COP1: variants seen among roughly 807,000 people sequenced by gnomAD.
COP1 encodes the protein COP1 E3 ubiquitin ligase, also known as E3 ubiquitin-protein ligase COP1.
Under a neutral mutation model 101.3 loss-of-function variants are expected in COP1, and 24 were observed. The ratio of observed to expected loss-of-function variants is 0.24; its 90% CI spans 0.17 to 0.33. The LOEUF is 0.33. COP1 is among the 10% of genes least tolerant of loss of function. The pLI is 1.00. For synonymous variants in COP1, 347 were observed against 341.9 expected (o/e 1.01, Z -0.17); for missense variants, 663 against 906.2 (o/e 0.73, Z 3.45).
chr1:176,169,521 G>T (rs1695713964), intron 3 of COP1, among the ~76,000 whole-genome samples: 1 of 151,344 alleles, frequency 6.6e-6, no homozygotes, highest in Admixed American at 6.6e-5. Context: ...ATGAATTTTG[G>T]TTTCCCAATA....
chr1:176,094,733 A>T (rs1257159882), intron 9 of COP1, among the ~76,000 whole-genome samples: 2 of 152,124 alleles, frequency 1.3e-5, no homozygotes, highest in African/African-American at 4.8e-5. Flanking sequence ...CTATGAAGAT[A>T]AAAGAGCAAA....
Position 176,176,636 on chromosome 1 carries a change from T to C in COP1, c.468-629A>G, listed in dbSNP as rs548403106. 1.4e-4 allele frequency among the ~76,000 whole-genome samples: 21 copies of C among 152,106 alleles called. 1 individual carries two copies. The highest frequency in any genetic ancestry group is 3.6e-4 in the African/African-American group (15 of 41,486). ...GAGTTCAAGACCAGCCTGGGGAACATAGCAAGACTCCATTACTACAGAAAA... is the reference window on the plus strand; with the variant it reads ...GAGTTCAAGACCAGCCTGGGGAACACAGCAAGACTCCATTACTACAGAAAA... On this transcript the variant is annotated intron_variant, in intron 2 of 19. Transcript: ENST00000367669.
chr1:176,055,655 T>A (rs1673348593), intron 11 of COP1, among the ~76,000 whole-genome samples: 1 of 152,190 alleles, frequency 6.6e-6, no homozygotes, highest in African/African-American at 2.4e-5. Flanking sequence ...TTTAACCTGA[T>A]AGGCATAGTT....
Position 175,978,426 on chromosome 1 carries a change from A to G in COP1, c.2133+8517T>C, listed in dbSNP as rs189319453. On this transcript the variant is annotated intron_variant, in intron 18 of 19. Transcript: ENST00000367669. The stretch of plus-strand genomic sequence containing the variant: ...ATGTTTTCCCAGAGGCTGTCCACAC[A>G]GTAGTGGACATTAAGGTTAAAGAAA... Among the ~76,000 whole-genome samples the G allele has an allele frequency of 6.2e-3, 942 of 152,324 alleles. 13 individuals carry two copies. The highest frequency in any genetic ancestry group is 0.021 in the African/African-American group (889 of 41,578).
intron 10 of COP1, among the ~76,000 whole-genome samples, chr1:176,083,168 C>G (rs1317730383): frequency 6.6e-6 from 1 of 152,116 alleles, no homozygotes; most frequent in Non-Finnish European, 1.5e-5. Flanking sequence ...TATATGGAAT[C>G]CTATTACTGT....
intron 11 of COP1, among the ~76,000 whole-genome samples, chr1:176,062,911 G>A (rs1167398778): frequency 2.0e-5 from 3 of 152,158 alleles, no homozygotes; most frequent in African/African-American, 4.8e-5. Flanking sequence ...ATACTGTATG[G>A]TTCCACTTAT....
intron 11 of COP1, among the ~76,000 whole-genome samples, chr1:176,050,563 A>G (rs1334698108): frequency 6.6e-6 from 1 of 152,210 alleles, no homozygotes; most frequent in Non-Finnish European, 1.5e-5. Context: ...GCAGGTAACT[A>G]AAACTTTAAG....
rs1372720172 is a variant in COP1 at position 176,043,835 on chromosome 1, TAA to T, written c.1422-19_1422-18del. On this transcript the variant is annotated intron_variant, in intron 12 of 19. Transcript: ENST00000367669. ...CTGATACAGCTGAAAGAAATACAGTTAAAAGTTACTTTACATAAAAATAAATA... is the reference window on the plus strand; with the variant it reads ...CTGATACAGCTGAAAGAAATACAGTTAAGTTACTTTACATAAAAATAAATA... 5.2e-6 allele frequency: 7 copies of T among 1,352,386 alleles called. No individual in the cohort carries two copies. In the East Asian group the frequency reaches 6.9e-5, roughly 13 times the overall value. 83.8% of individuals were successfully genotyped at this position (1,352,386 alleles called of 1,614,324 possible).
At chr1:176,135,630 G>T (rs1249963576) in intron 7 of COP1, among the ~76,000 whole-genome samples, 2 of 151,868 alleles carry the variant, frequency 1.3e-5, no homozygotes, top group Non-Finnish European at 2.9e-5. Context: ...TCTAATTTTT[G>T]ATCAGTAATC....
Position 176,200,076 on chromosome 1 carries a change from G to A in COP1, c.407+6496C>T, listed in dbSNP as rs1033277526. 5.3e-5 allele frequency among the ~76,000 whole-genome samples: 8 copies of A among 152,198 alleles called. 1 individual carries two copies. In the East Asian group the frequency reaches 9.7e-4, roughly 18 times the overall value. Reference sequence around the variant, plus strand: ...AATACTGGTACCACCATTATTAACCGTGTAACTGAGACAAGTTATATAACC... The same window carrying A: ...AATACTGGTACCACCATTATTAACCATGTAACTGAGACAAGTTATATAACC... On this transcript the variant is annotated intron_variant, in intron 1 of 19. Coordinates refer to ENST00000367669, the MANE Select transcript of COP1 (RefSeq NM_022457.7).
intron 14 of COP1, among the ~76,000 whole-genome samples, chr1:176,038,976 G>A (rs7554913): frequency 0.82 from 124,257 of 152,148 alleles, 51,388 homozygotes; most frequent in East Asian, 0.99. Context: ...ACAACTGGAT[G>A]TAACTGACAT....
At chr1:176,070,091 T>C (rs946196319) in intron 11 of COP1, among the ~76,000 whole-genome samples, 1 of 152,210 alleles carries the variant, frequency 6.6e-6, no homozygotes, top group African/African-American at 2.4e-5. Flanking sequence ...CGAACCCTGT[T>C]GCTACTTGAA....
intron 9 of COP1, among the ~76,000 whole-genome samples, chr1:176,103,915 G>A (rs1302752252): frequency 6.6e-6 from 1 of 152,096 alleles, no homozygotes; most frequent in Non-Finnish European, 1.5e-5. Flanking sequence ...TTTTTAGGGA[G>A]CTAGATAAAC....
intron 18 of COP1, among the ~76,000 whole-genome samples, chr1:175,977,584 A>G (rs1279785801): frequency 6.6e-6 from 1 of 152,146 alleles, no homozygotes; most frequent in African/African-American, 2.4e-5. Context: ...AAAAGGTACA[A>G]ATCATATAAA....
At chr1:176,103,077 C>T (rs1481282966) in intron 9 of COP1, among the ~76,000 whole-genome samples, 1 of 152,196 alleles carries the variant, frequency 6.6e-6, no homozygotes, top group African/African-American at 2.4e-5. Flanking sequence ...TATTGCAATT[C>T]CAGTGTCTTG....
chr1:176,041,601 A>C lies in COP1; in HGVS notation c.1612+1585T>G, dbSNP rs367867939. On this transcript the variant is annotated intron_variant, in intron 14 of 19. Coordinates refer to ENST00000367669, the MANE Select transcript of COP1 (RefSeq NM_022457.7). Reference sequence around the variant, plus strand: ...TGGCCTCAAGTGATCCACCCGCCTCAATCTCCCAAACAAAGTGCTGGGATT... The same window carrying C: ...TGGCCTCAAGTGATCCACCCGCCTCCATCTCCCAAACAAAGTGCTGGGATT... 2.6e-3 allele frequency among the ~76,000 whole-genome samples: 398 copies of C among 152,174 alleles called. 3 individuals are homozygous for C. Among genetic ancestry groups the C allele is most frequent in the African/African-American group, 9.1e-3 (380 of 41,550 alleles).
chr1:176,040,854 C>G (rs1300869750), intron 14 of COP1, among the ~76,000 whole-genome samples: 5 of 151,968 alleles, frequency 3.3e-5, no homozygotes, highest in African/African-American at 9.7e-5. Flanking sequence ...CAAAACAATA[C>G]TGAAAGTTAT....
intron 2 of COP1, among the ~76,000 whole-genome samples, chr1:176,177,242 A>G (rs1697085067): frequency 6.6e-6 from 1 of 152,028 alleles, no homozygotes; most frequent in African/African-American, 2.4e-5. Flanking sequence ...ATATTTCTAT[A>G]ATGTTAAACC....
intron 1 of COP1, among the ~76,000 whole-genome samples, chr1:176,189,653 A>G (rs773445633): frequency 6.6e-6 from 1 of 151,958 alleles, no homozygotes; most frequent in Non-Finnish European, 1.5e-5. Flanking sequence ...ACAAATAAAG[A>G]GCTCTAAAAA....
Sources: gnomAD v4.1 joint callset for allele counts (sites outside exome capture counted in the v4.1 genomes callset) on GRCh38, gnomAD v4.1.1 for gene constraint, MANE v1.5 for transcripts, NCBI Gene and HGNC (gene_info 2026-07-23, HGNC 2026-07-21) for gene names.